The following FARS2 variants were observed in gnomAD, a reference collection of about 807,000 sequenced individuals.
FARS2 encodes phenylalanyl-tRNA synthetase 2, mitochondrial.
In FARS2, 40 loss-of-function variants were observed where a neutral mutation model predicts 46.4. The observed-to-expected ratio is 0.86, with a 90% confidence interval of 0.67 to 1.12. The LOEUF is 1.12. Ranked by LOEUF, FARS2 falls within the 50% of genes most tolerant of loss-of-function variation. The pLI is 0.00. For missense variants in FARS2, 513 were observed against 567.9 expected (o/e 0.90, Z 0.98); for synonymous variants, 234 against 214.9 (o/e 1.09, Z -0.78).
At chr6:5,599,846 A>T (rs2150629884) in intron 5 of FARS2, among the ~76,000 whole-genome samples, 1 of 151,862 alleles carries the variant, frequency 6.6e-6, no homozygotes, top group South Asian at 2.1e-4. Context: ...CCAGAGGCAC[A>T]TGTGATATTT....
intron 1 of FARS2, among the ~76,000 whole-genome samples, chr6:5,263,700 A>G (rs1331972861): frequency 6.6e-6 from 1 of 152,192 alleles, no homozygotes; most frequent in Non-Finnish European, 1.5e-5. Context: ...TTTAGTATTC[A>G]TTTATCAAAA....
intron 3 of FARS2, among the ~76,000 whole-genome samples, chr6:5,410,034 G>A (rs765984402): frequency 2.6e-5 from 4 of 152,208 alleles, no homozygotes; most frequent in Non-Finnish European, 5.9e-5. Context: ...CTGTATCACA[G>A]AACACAGACA....
chr6:5,551,138 T>C (rs1274389531), intron 5 of FARS2, among the ~76,000 whole-genome samples: 1 of 152,242 alleles, frequency 6.6e-6, no homozygotes, highest in Admixed American at 6.5e-5. Context: ...GCATTTTCAC[T>C]GTTTGCTTGG....
At chr6:5,526,104 A>G (rs1769450073) in intron 4 of FARS2, among the ~76,000 whole-genome samples, 1 of 152,238 alleles carries the variant, frequency 6.6e-6, no homozygotes, top group African/African-American at 2.4e-5. Flanking sequence ...TTGGTGCTCC[A>G]GAGCCACAGC....
chr6:5,266,494 C>T (rs1765558445), intron 1 of FARS2, among the ~76,000 whole-genome samples: 1 of 151,748 alleles, frequency 6.6e-6, no homozygotes, highest in Non-Finnish European at 1.5e-5. Context: ...AGCGAGACCC[C>T]ATCTCAATAA....
the FARS2 span, among the ~76,000 whole-genome samples, chr6:5,250,879 G>C: frequency 1.4e-4 from 21 of 152,236 alleles, no homozygotes; most frequent in African/African-American, 4.6e-4. Flanking sequence ...ATTTCATAGA[G>C]AGCAAAACTC....
At chr6:5,528,222 G>T (rs1429403014) in intron 4 of FARS2, among the ~76,000 whole-genome samples, 1 of 151,862 alleles carries the variant, frequency 6.6e-6, no homozygotes, top group Admixed American at 6.6e-5. Flanking sequence ...AGAGATGGAG[G>T]TTTCACTCTG....
intron 6 of FARS2, among the ~76,000 whole-genome samples, chr6:5,614,409 G>GTTTTTTTTT: frequency 7.0e-6 from 1 of 143,056 alleles, no homozygotes; most frequent in African/African-American, 2.7e-5. Context: ...TTCCTTCTTT[G>GTTTTTTTTT]TCTTTTTTTT....
intron 1 of FARS2, among the ~76,000 whole-genome samples, chr6:5,316,877 T>G (rs1358552211): frequency 1.3e-5 from 2 of 152,180 alleles, no homozygotes; most frequent in Non-Finnish European, 1.5e-5. Context: ...TATCAGAATC[T>G]AACTGACCCA....
chr6:5,250,679 G>A, the FARS2 span, among the ~76,000 whole-genome samples: 187 of 152,104 alleles, frequency 1.2e-3, 2 homozygotes, highest in East Asian at 0.035. Flanking sequence ...GTAATACAGC[G>A]CCACAGGCTC....
intron 6 of FARS2, among the ~76,000 whole-genome samples, chr6:5,698,276 A>G (rs1035448944): frequency 6.6e-6 from 1 of 152,200 alleles, no homozygotes; most frequent in Non-Finnish European, 1.5e-5. Flanking sequence ...GAAGCTCACA[A>G]TCATGGTGGA....
intron 6 of FARS2, among the ~76,000 whole-genome samples, chr6:5,685,302 C>T (rs1294060184): frequency 6.6e-6 from 1 of 152,164 alleles, no homozygotes; most frequent in Non-Finnish European, 1.5e-5. Flanking sequence ...CTAAGATCCC[C>T]CCTTGGTTTC....
upstream of FARS2, chr6:5,260,741 AG>A (rs1765035862): frequency 3.2e-6 from 5 of 1,545,080 alleles, no homozygotes; most frequent in Non-Finnish European, 4.4e-6. Context: ...CATTTTGGAA[AG>A]AAAAAAAAAT....
chr6:5,624,940 G>A (rs1288015323), intron 6 of FARS2, among the ~76,000 whole-genome samples: 6 of 150,954 alleles, frequency 4.0e-5, no homozygotes, highest in East Asian at 2.0e-4. Flanking sequence ...ACCCAAATTC[G>A]ATGTCCAGAG....
intron 2 of FARS2, among the ~76,000 whole-genome samples, chr6:5,401,177 G>A (rs73718096): frequency 6.6e-6 from 1 of 151,730 alleles, no homozygotes; most frequent in Admixed American, 6.6e-5. Context: ...TGATATATTC[G>A]ATCTGAACTT....
intron 5 of FARS2, among the ~76,000 whole-genome samples, chr6:5,602,670 A>AGAAAGG (rs1774600246): frequency 1.5e-5 from 2 of 137,688 alleles, no homozygotes; most frequent in African/African-American, 2.6e-5. Flanking sequence ...AAAAAAAAAA[A>AGAAAGG]GGGAACCTCC....
intron 5 of FARS2, among the ~76,000 whole-genome samples, chr6:5,581,056 G>C (rs1467775809): frequency 6.6e-6 from 1 of 152,206 alleles, no homozygotes; most frequent in Admixed American, 6.5e-5. Context: ...CGAGGCCCAT[G>C]GTTGTTGTTT....
chr6:5,365,718 C>CT (rs1004112115), intron 1 of FARS2, among the ~76,000 whole-genome samples: 1 of 151,846 alleles, frequency 6.6e-6, no homozygotes, highest in Non-Finnish European at 1.5e-5. Flanking sequence ...TCCTGTATAC[C>CT]TTTTGACTTC....
chr6:5,561,621 T>G (rs906794273), intron 5 of FARS2, among the ~76,000 whole-genome samples: 1 of 152,184 alleles, frequency 6.6e-6, no homozygotes, highest in Non-Finnish European at 1.5e-5. Flanking sequence ...TTTAATATGA[T>G]GCATTTTGGT....
Sources: allele counts gnomAD v4.1 joint callset (sites outside exome capture counted in the v4.1 genomes callset), GRCh38; gene constraint gnomAD v4.1.1; transcripts MANE v1.5; gene names NCBI Gene and HGNC (gene_info 2026-07-23, HGNC 2026-07-21).